DAB1: variants seen among roughly 807,000 people sequenced by gnomAD.
The protein encoded by DAB1 is disabled homolog 1.
Under a neutral mutation model 64.6 loss-of-function variants are expected in DAB1, and 15 were observed. That is an observed-to-expected ratio of 0.23 (90% CI 0.16 to 0.36). The LOEUF (loss-of-function observed/expected upper bound fraction) is 0.36, where lower values mean the gene tolerates loss of function less well. Ranked by LOEUF, DAB1 falls within the 10% of genes least tolerant of loss-of-function variation. DAB1 has a pLI of 1.00. For synonymous variants in DAB1, 235 were observed against 251.9 expected (o/e 0.93, Z 0.64); for missense variants, 596 against 706.7 (o/e 0.84, Z 1.78).
chr1:57,018,145 T>C (rs1646494934), intron 11 of DAB1, among the ~76,000 whole-genome samples: 1 of 152,242 alleles, frequency 6.6e-6, no homozygotes, highest in Non-Finnish European at 1.5e-5. Flanking sequence ...TTTTAATGCA[T>C]TTAATTTTCC....
At chr1:57,665,189 GAAT>G (rs1051541208) in intron 6 of DAB1, among the ~76,000 whole-genome samples, 1 of 151,956 alleles carries the variant, frequency 6.6e-6, no homozygotes, top group African/African-American at 2.4e-5. Context: ...CAATATAAAT[GAAT>G]AAAAGATATA....
chr1:58,450,040 T>C (rs1645115423), intron 3 of DAB1, among the ~76,000 whole-genome samples: 5 of 152,152 alleles, frequency 3.3e-5, no homozygotes, highest in Admixed American at 3.3e-4. Context: ...GTACGTGACA[T>C]AATTGGAGAA....
chr1:57,654,165 ATTTTTC>A (rs1646288936), intron 6 of DAB1, among the ~76,000 whole-genome samples: 1 of 152,080 alleles, frequency 6.6e-6, no homozygotes, highest in African/African-American at 2.4e-5. Flanking sequence ...TCATATGTCC[ATTTTTC>A]TATTGGGTTG....
At chr1:57,786,969 T>G (rs375284927) in intron 6 of DAB1, among the ~76,000 whole-genome samples, 7 of 152,078 alleles carry the variant, frequency 4.6e-5, no homozygotes, top group African/African-American at 1.7e-4. Flanking sequence ...ACGATGCAAA[T>G]TTTTATGCTG....
At position 57,038,303 on chromosome 1, in the gene DAB1, G is replaced by GT. The variant is rs1026751090; in HGVS notation, c.724-12261dup. Among the ~76,000 whole-genome samples, 14 of 152,102 alleles carry GT rather than the reference G, an allele frequency of 9.2e-5. No homozygotes were observed. The South Asian group carries it at 1.2e-3, about 14-fold the overall frequency. ...AGCCGACTTCTTCTAGCTATAAGAG[G>GT]TTTTTTTTCATTGCCGGAGCTAAGT... On this transcript the variant is annotated intron_variant, in intron 9 of 14. Transcript: ENST00000371236.
chr1:57,861,889 C>T (rs1387845578), intron 1 of DAB1, among the ~76,000 whole-genome samples: 1 of 151,830 alleles, frequency 6.6e-6, no homozygotes, highest in African/African-American at 2.4e-5. Flanking sequence ...ATAGGAGAGA[C>T]ATGAGAAGTC....
intron 1 of DAB1, among the ~76,000 whole-genome samples, chr1:57,294,517 A>G (rs1462330940): frequency 6.6e-6 from 1 of 151,996 alleles, no homozygotes; most frequent in Non-Finnish European, 1.5e-5. Context: ...CAGAACAAAC[A>G]CACACTAAAC....
chr1:57,853,761 A>G (rs1653635280), intron 1 of DAB1, among the ~76,000 whole-genome samples: 1 of 152,152 alleles, frequency 6.6e-6, no homozygotes, highest in South Asian at 2.1e-4. Flanking sequence ...AAAATCCTGT[A>G]GAAAAAAATA....
intron 1 of DAB1, among the ~76,000 whole-genome samples, chr1:57,413,823 A>T (rs2101066138): frequency 6.6e-6 from 1 of 152,164 alleles, no homozygotes; most frequent in Non-Finnish European, 1.5e-5. Flanking sequence ...GGAAGTCTAA[A>T]TATCAACATT....
At chr1:57,853,100 A>C (rs1352599554) in intron 1 of DAB1, among the ~76,000 whole-genome samples, 1 of 152,206 alleles carries the variant, frequency 6.6e-6, no homozygotes, top group East Asian at 1.9e-4. Context: ...ATAACATATA[A>C]TTAATTACAA....
At chr1:57,457,438 G>A (rs953546133) in intron 7 of DAB1, among the ~76,000 whole-genome samples, 2 of 152,104 alleles carry the variant, frequency 1.3e-5, no homozygotes, top group African/African-American at 4.8e-5. Context: ...AATCAATGTG[G>A]GGAGTGAAAA....
At chr1:57,316,569 A>T (rs1206040409) in intron 1 of DAB1, among the ~76,000 whole-genome samples, 1 of 152,214 alleles carries the variant, frequency 6.6e-6, no homozygotes, top group Admixed American at 6.5e-5. Context: ...GTCAGAGCTC[A>T]GCTGCCCACA....
intron 6 of DAB1, among the ~76,000 whole-genome samples, chr1:57,774,055 AT>A (rs1649682789): frequency 6.6e-6 from 1 of 151,862 alleles, no homozygotes; most frequent in South Asian, 2.1e-4. Context: ...TGTAATTTTG[AT>A]TGAGATCTCC....
chr1:57,972,241 A>AT (rs1158319337), intron 5 of DAB1, among the ~76,000 whole-genome samples: 1 of 151,986 alleles, frequency 6.6e-6, no homozygotes, highest in Non-Finnish European at 1.5e-5. Context: ...TTATTTTAAT[A>AT]TTTTTATTTT....
intron 3 of DAB1, among the ~76,000 whole-genome samples, chr1:58,466,443 A>G (rs1030903583): frequency 6.6e-6 from 1 of 152,008 alleles, no homozygotes; most frequent in African/African-American, 2.4e-5. Flanking sequence ...GAGGGCCTGA[A>G]CTAACACAGA....
intron 2 of DAB1, among the ~76,000 whole-genome samples, chr1:57,187,555 G>A (rs539599648): frequency 1.3e-5 from 2 of 152,304 alleles, no homozygotes; most frequent in South Asian, 4.1e-4. Flanking sequence ...CTACTGCTCT[G>A]ACACTGCACT....
At chr1:58,007,138 T>C (rs950461565) in intron 5 of DAB1, among the ~76,000 whole-genome samples, 1 of 152,080 alleles carries the variant, frequency 6.6e-6, no homozygotes, top group African/African-American at 2.4e-5. Context: ...AGGGCCCAAA[T>C]GGCAGCTAAT....
intron 2 of DAB1, among the ~76,000 whole-genome samples, chr1:57,156,266 A>G (rs1266887271): frequency 6.6e-6 from 1 of 152,140 alleles, no homozygotes; most frequent in Non-Finnish European, 1.5e-5. Flanking sequence ...CCCAGCTGCC[A>G]CAGGCTCTCC....
At chr1:57,068,577 A>G (rs149357900) in intron 8 of DAB1, among the ~76,000 whole-genome samples, 3 of 152,304 alleles carry the variant, frequency 2.0e-5, no homozygotes, top group Admixed American at 6.5e-5. Flanking sequence ...TTCTTCCCCT[A>G]TAATGTTTCT....
Sources: gnomAD v4.1 joint callset for allele counts (sites outside exome capture counted in the v4.1 genomes callset) on GRCh38, gnomAD v4.1.1 for gene constraint, MANE v1.5 for transcripts, NCBI Gene and HGNC (gene_info 2026-07-23, HGNC 2026-07-21) for gene names.